TENM3: variants seen among roughly 807,000 people sequenced by gnomAD.
TENM3 encodes the protein teneurin-3.
Under a neutral mutation model 255.1 loss-of-function variants are expected in TENM3, and 63 were observed. That is an observed-to-expected ratio of 0.25 (90% confidence interval 0.20 to 0.30). The LOEUF (loss-of-function observed/expected upper bound fraction) is 0.30. Among genes scored for constraint, TENM3 ranks in the 10% least tolerant of loss-of-function variants. The pLI is 1.00. For missense variants in TENM3, 2,929 were observed against 3,461.1 expected, an observed-to-expected ratio of 0.85 and a Z score of 3.86; for synonymous variants, 1,306 against 1,322.3, an observed-to-expected ratio of 0.99 and a Z score of 0.27.
At chr4:182,461,161 A>G (rs1774295059) in intron 3 of TENM3, among the ~76,000 whole-genome samples, 1 of 152,214 alleles carries the variant, frequency 6.6e-6, no homozygotes, top group Non-Finnish European at 1.5e-5. Flanking sequence ...TTCCTGCCTT[A>G]AACTTTTCTC....
the TENM3 span, among the ~76,000 whole-genome samples, chr4:182,023,403 C>T: frequency 6.6e-6 from 1 of 152,166 alleles, no homozygotes; most frequent in African/African-American, 2.4e-5. Context: ...AAACCATTTG[C>T]TTTTGAGTTG....
chr4:182,794,502 C>T (rs558987069), intron 26 of TENM3, among the ~76,000 whole-genome samples: 69 of 152,264 alleles, frequency 4.5e-4, no homozygotes, highest in African/African-American at 1.5e-3. Flanking sequence ...AGGACAGTCA[C>T]GAAGCCATTT....
chr4:181,546,715 G>GAAAAAAAAAAAA, the TENM3 span, among the ~76,000 whole-genome samples: 1 of 93,550 alleles, frequency 1.1e-5, no homozygotes, highest in African/African-American at 4.7e-5. Context: ...CTCCGTCTCA[G>GAAAAAAAAAAAA]AAAAAAAAAA....
Position 182,755,225 on chromosome 4 carries a change from A to G in TENM3, c.4858A>G (p.Lys1620Glu), listed in dbSNP as rs1199808447. The stretch of plus-strand genomic sequence containing the variant: ...TGGCAATAGTGGCCTTTTAGCCACT[A>G]AAAGTGATGAAACTGGATGGACAAC... ...YHGNSGLLAT[K>E]SDETGWTTFF... is the part of the protein sequence containing the mutation. Residue 1620 changes from lysine to glutamate, a missense_variant, in exon 22 of 28, where the codon AAA becomes GAA. Transcript: ENST00000511685. 6.2e-7 allele frequency: 1 copy of G among 1,607,792 alleles called. No individual in the cohort carries two copies. The highest frequency in any genetic ancestry group is 8.5e-7 in the Non-Finnish European group (1 of 1,179,226).
the TENM3 span, among the ~76,000 whole-genome samples, chr4:181,966,989 ATCTCTCTCTC>A: frequency 1.8e-4 from 26 of 147,194 alleles, no homozygotes; most frequent in Non-Finnish European, 3.5e-4. Flanking sequence ...CTCACACCAT[ATCTCTCTCTC>A]TCTCTCGCTC....
At chr4:182,543,914 C>A (rs889743140) in intron 3 of TENM3, among the ~76,000 whole-genome samples, 10 of 151,892 alleles carry the variant, frequency 6.6e-5, no homozygotes, top group Non-Finnish European at 1.3e-4. Flanking sequence ...TCAATATAAT[C>A]CTTTTGGATT....
the TENM3 span, among the ~76,000 whole-genome samples, chr4:182,032,565 TAA>T: frequency 6.6e-6 from 1 of 152,194 alleles, no homozygotes; most frequent in Non-Finnish European, 1.5e-5. Flanking sequence ...GCTGGCCTTA[TAA>T]AATGCATTTA....
chr4:181,526,387 G>C, the TENM3 span, among the ~76,000 whole-genome samples: 1 of 152,104 alleles, frequency 6.6e-6, no homozygotes, highest in Non-Finnish European at 1.5e-5. Context: ...AAGCAAAGCA[G>C]TGTGGCCTTT....
At chr4:182,600,897 CTTTTT>C (rs548783934) in intron 3 of TENM3, 22 bp from the exon 4 acceptor site, 1,453 of 493,950 alleles carry the variant, frequency 2.9e-3, no homozygotes, top group East Asian at 5.1e-3. Flanking sequence ...AGTTCTCTTT[CTTTTT>C]TTTTTTTTTT....
At chr4:181,849,949 T>TCTCTCTCTCTCTCTCACA in the TENM3 span, among the ~76,000 whole-genome samples, 86 of 65,960 alleles carry the variant, frequency 1.3e-3, 1 homozygote, top group East Asian at 9.5e-3. Flanking sequence ...TCTCTCTCTC[T>TCTCTCTCTCTCTCTCACA]CACACACACA....
chr4:181,451,908 G>A, the TENM3 span, among the ~76,000 whole-genome samples: 1 of 151,896 alleles, frequency 6.6e-6, no homozygotes, highest in Non-Finnish European at 1.5e-5. Context: ...AGAGAACATA[G>A]GGAGATTTTT....
the TENM3 span, among the ~76,000 whole-genome samples, chr4:181,835,789 A>C: frequency 6.6e-6 from 1 of 152,208 alleles, no homozygotes; most frequent in African/African-American, 2.4e-5. Context: ...AAAGATGTGC[A>C]TGTAATTGAC....
chr4:182,409,494 C>T (rs547493231), intron 3 of TENM3, among the ~76,000 whole-genome samples: 1 of 152,158 alleles, frequency 6.6e-6, no homozygotes, highest in African/African-American at 2.4e-5. Context: ...GGCCCAGATC[C>T]AGGATTGGGC....
chr4:182,746,622 G>A (rs977485339), intron 19 of TENM3, among the ~76,000 whole-genome samples: 2 of 152,160 alleles, frequency 1.3e-5, no homozygotes, highest in African/African-American at 2.4e-5. Flanking sequence ...TGAACAAGTG[G>A]CACACTCAAA....
chr4:181,638,359 G>A, the TENM3 span, among the ~76,000 whole-genome samples: 11 of 152,230 alleles, frequency 7.2e-5, no homozygotes, highest in Admixed American at 2.6e-4. Flanking sequence ...AGATAAGGCC[G>A]TGAAAGTTGT....
At chr4:182,586,594 A>C (rs1746040145) in intron 3 of TENM3, among the ~76,000 whole-genome samples, 1 of 152,224 alleles carries the variant, frequency 6.6e-6, no homozygotes, top group Non-Finnish European at 1.5e-5. Context: ...TTTTCCTTTT[A>C]ATCAAGAATG....
intron 1 of TENM3, among the ~76,000 whole-genome samples, chr4:182,278,232 T>C (rs1760134081): frequency 6.6e-6 from 1 of 152,052 alleles, no homozygotes; most frequent in Admixed American, 6.6e-5. Flanking sequence ...TTGGGTGTGG[T>C]GGCGCATGCC....
At chr4:182,169,426 T>C (rs1751957322) in intron 1 of TENM3, 1 of 397,734 alleles carries the variant, frequency 2.5e-6, no homozygotes, top group South Asian at 1.9e-5. Context: ...TCTCCTGAGA[T>C]GGATTGAATT....
chr4:182,713,336 A>G (rs920607260), intron 12 of TENM3, among the ~76,000 whole-genome samples: 1 of 152,182 alleles, frequency 6.6e-6, no homozygotes, highest in African/African-American at 2.4e-5. Context: ...TCCAATATGC[A>G]CAGCTATTAC....
Sources: gnomAD v4.1 joint callset for allele counts (sites outside exome capture counted in the v4.1 genomes callset) on GRCh38, gnomAD v4.1.1 for gene constraint, MANE v1.5 for transcripts, NCBI Gene and HGNC (gene_info 2026-07-23, HGNC 2026-07-21) for gene names.